Variants in PPP1R16A observed in about 807,000 individuals in gnomAD.
The protein encoded by PPP1R16A is myosin phosphatase-targeting subunit 3.
PPP1R16A carries 39 observed loss-of-function variants against 46.6 expected under a neutral mutation model. The ratio of observed to expected loss-of-function variants is 0.84; its 90% CI spans 0.65 to 1.09. The LOEUF (loss-of-function observed/expected upper bound fraction) is 1.09. Ranked by LOEUF, PPP1R16A falls within the 50% of genes least tolerant of loss-of-function variation. PPP1R16A has a pLI of 0.00. For missense variants in PPP1R16A, 798 were observed against 735.6 expected (o/e 1.08, Z -0.98); for synonymous variants, 413 against 321.5 (o/e 1.28, Z -3.04).
At chr8:144,498,111 G>C in intron 3 of PPP1R16A, 1 of 455,848 alleles carries the variant, frequency 2.2e-6, no homozygotes. Flanking sequence ...AGAGGAGCCG[G>C]CAGTGTCTGG....
intron 1 of PPP1R16A, among the ~76,000 whole-genome samples, chr8:144,483,421 T>A (rs1825517652): frequency 6.6e-6 from 1 of 152,256 alleles, no homozygotes; most frequent in African/African-American, 2.4e-5. Flanking sequence ...TTTATTCATT[T>A]ATTTTTGAGA....
chr8:144,499,917 A>G, intron 5 of PPP1R16A, 179 bp from the exon 6 acceptor site: 1 of 616,732 alleles, frequency 1.6e-6, no homozygotes, highest in South Asian at 2.0e-5. Flanking sequence ...GTCTGGCTTA[A>G]TGACAGGATC....
At chr8:144,497,659 T>A in intron 3 of PPP1R16A, 1 of 727,376 alleles carries the variant, frequency 1.4e-6, no homozygotes, top group Non-Finnish European at 2.4e-6. Context: ...GAGGTGAGCC[T>A]GTGCGGGACA....
chr8:144,498,849 G>C lies in PPP1R16A; in HGVS notation c.330+9G>C. The C allele has an allele frequency of 6.2e-7, 1 of 1,611,572 alleles. No homozygotes were observed. The highest frequency in any genetic ancestry group is 8.5e-7 in the Non-Finnish European group (1 of 1,178,866). On this transcript the variant is annotated intron_variant, in intron 4 of 11. Coordinates refer to ENST00000435887, the MANE Select transcript of PPP1R16A (RefSeq NM_001329443.2). ...TGACGGCCCTGCACCAGGTCAGCCT[G>C]CACTGGGTGTGGGCAGGGTGGGGGC...
At chr8:144,479,922 A>C (rs111798625) in intron 1 of PPP1R16A, among the ~76,000 whole-genome samples, 2 of 152,332 alleles carry the variant, frequency 1.3e-5, no homozygotes, top group African/African-American at 4.8e-5. Flanking sequence ...CCTGTGCCAG[A>C]GGCTCAGCAG....
chr8:144,500,209 G>A lies in PPP1R16A; in HGVS notation c.580+10G>A. ...GCCATGGCCGACCGTGGTAGGTGCG[G>A]CGGTGCGGCTGTGGGAGGGCTGCCG... On this transcript the variant is annotated intron_variant, in intron 6 of 11. Coordinates refer to ENST00000435887, the MANE Select transcript of PPP1R16A (RefSeq NM_001329443.2). 6.3e-7 allele frequency: 1 copy of A among 1,598,950 alleles called. No individual in the cohort carries two copies. The highest frequency in any genetic ancestry group is 8.5e-7 in the Non-Finnish European group (1 of 1,173,592).
chr8:144,500,474 C>T lies in PPP1R16A; in HGVS notation c.706-13C>T. On this transcript the variant is annotated splice_polypyrimidine_tract_variant and intron_variant, in intron 7 of 11. Transcript: ENST00000435887. ...GGGATGGGGCCGAATTCAGGCCGGGCGCTTGCCTGCAGCTGCACGTCGCAG... is the reference window on the plus strand; with the variant it reads ...GGGATGGGGCCGAATTCAGGCCGGGTGCTTGCCTGCAGCTGCACGTCGCAG... The T allele has an allele frequency of 6.4e-7, 1 of 1,568,504 alleles. No individual in the cohort carries two copies. The highest frequency in any genetic ancestry group is 8.6e-7 in the Non-Finnish European group (1 of 1,166,114).
intron 1 of PPP1R16A, among the ~76,000 whole-genome samples, chr8:144,480,811 T>C (rs1047307056): frequency 2.0e-5 from 3 of 151,978 alleles, no homozygotes; most frequent in East Asian, 1.9e-4. Flanking sequence ...CATCAAACTT[T>C]ATTGAGGTGT....
At position 144,500,409 on chromosome 8, in the gene PPP1R16A, A is replaced by T; in HGVS notation, c.705+18A>T. 1 of 1,466,146 alleles carries T rather than the reference A, an allele frequency of 6.8e-7. No individual in the cohort carries two copies. The highest frequency in any genetic ancestry group is 9.1e-7 in the Non-Finnish European group (1 of 1,097,838). 90.8% of individuals were successfully genotyped at this position (1,466,146 alleles called of 1,614,324 possible). ...CCACGCTGGTGAGGGCTGGGGGGTG[A>T]GGGGCACACGGGGCTGGGGGCCTCG... is the stretch of plus-strand genomic sequence containing the variant. On this transcript the variant is annotated intron_variant, in intron 7 of 11. Transcript: ENST00000435887.
At chr8:144,478,661 G>A (rs1825273068) in intron 1 of PPP1R16A, 2 of 152,432 alleles carry the variant, frequency 1.3e-5, no homozygotes, top group East Asian at 3.8e-4. Flanking sequence ...TAGGCTGAAG[G>A]AGAAAGTGGA....
intron 3 of PPP1R16A, chr8:144,498,372 C>G: frequency 3.0e-6 from 1 of 334,734 alleles, no homozygotes; most frequent in Non-Finnish European, 5.9e-6. Flanking sequence ...CCCAGAGGAC[C>G]CAGGAGAGCT....
At chr8:144,487,409 T>TC (rs1825660020) in intron 1 of PPP1R16A, among the ~76,000 whole-genome samples, 1 of 151,912 alleles carries the variant, frequency 6.6e-6, no homozygotes, top group South Asian at 2.1e-4. Flanking sequence ...TCTTTCTCTG[T>TC]CCCCCAGGCT....
chr8:144,483,759 G>A (rs1302115471), intron 1 of PPP1R16A, among the ~76,000 whole-genome samples: 1 of 151,922 alleles, frequency 6.6e-6, no homozygotes, highest in Admixed American at 6.6e-5. Context: ...GGAGAGCAGT[G>A]GTGTGATTAG....
chr8:144,500,620 C>G lies in PPP1R16A; in HGVS notation c.831+8C>G. On this transcript the variant is annotated splice_region_variant and intron_variant, in intron 8 of 11. Coordinates refer to ENST00000435887, the MANE Select transcript of PPP1R16A (RefSeq NM_001329443.2). ...GCGGCCTACTGGGGCCAGGTGAGTGCGGGCGGGAGCAGGTGGGAGGGGGCT... is the reference window on the plus strand; with the variant it reads ...GCGGCCTACTGGGGCCAGGTGAGTGGGGGCGGGAGCAGGTGGGAGGGGGCT... 1 of 1,601,844 alleles carries G rather than the reference C, an allele frequency of 6.2e-7. No individual in the cohort carries two copies. Among genetic ancestry groups the G allele is most frequent in the Non-Finnish European group, 8.5e-7 (1 of 1,178,982 alleles).
At chr8:144,497,605 C>A in intron 3 of PPP1R16A, 152 bp downstream of exon 3, 1 of 1,102,220 alleles carries the variant, frequency 9.1e-7, no homozygotes, top group South Asian at 1.3e-5. Flanking sequence ...GCTGGGTGGC[C>A]CAGGGTGCCC....
chr8:144,499,074 G>A lies in PPP1R16A; in HGVS notation c.476+13G>A, dbSNP rs777235391. On this transcript the variant is annotated intron_variant, in intron 5 of 11. Coordinates refer to ENST00000435887, the MANE Select transcript of PPP1R16A (RefSeq NM_001329443.2). Reference sequence around the variant, plus strand: ...TGCTCATCGCCAGGTAGGGCCTGTTGGGCGTCCTTGGCAGGGAGAGGCTTC... The same window carrying A: ...TGCTCATCGCCAGGTAGGGCCTGTTAGGCGTCCTTGGCAGGGAGAGGCTTC... 1.3e-6 allele frequency: 2 copies of A among 1,562,230 alleles called. No individual in the cohort carries two copies. The highest frequency in any genetic ancestry group is 1.7e-5 in the Admixed American group (1 of 58,720).
chr8:144,497,254 GGAGCGGCTGAA>G lies in PPP1R16A; in HGVS notation c.62_72del (p.Glu21AlafsTer17). ...CCATGGTGGGCAGGATGAGCACACA[GGAGCGGCTGAA>G]GCATGCCCAGAAGCGGCGCGCCCAG... On this transcript the variant is annotated frameshift_variant, in exon 3 of 12. Transcript: ENST00000435887. LOFTEE classifies it high-confidence loss of function. 6.2e-7 allele frequency: 1 copy of G among 1,608,264 alleles called. No homozygotes were observed. Among genetic ancestry groups the G allele is most frequent in the Non-Finnish European group, 8.5e-7 (1 of 1,178,130 alleles).
At chr8:144,499,287 C>CCT in intron 5 of PPP1R16A, 1 of 592,186 alleles carries the variant, frequency 1.7e-6, no homozygotes, top group Non-Finnish European at 2.9e-6. Context: ...CGTCCTCCTG[C>CCT]CGAGAGGGCA....
chr8:144,500,052 G>C, intron 5 of PPP1R16A, 44 bp from the exon 6 acceptor site: 1 of 1,561,486 alleles, frequency 6.4e-7, no homozygotes, highest in Non-Finnish European at 8.7e-7. Context: ...CCTGGCAAGC[G>C]GGGAAGGGCC....
Sources: allele counts gnomAD v4.1 joint callset (sites outside exome capture counted in the v4.1 genomes callset), GRCh38; gene constraint gnomAD v4.1.1; transcripts MANE v1.5; gene names NCBI Gene and HGNC (gene_info 2026-07-23, HGNC 2026-07-21).